The following CMBL variants were observed in gnomAD, a reference collection of about 807,000 sequenced individuals.
CMBL encodes carboxymethylenebutenolidase homolog.
In CMBL, 17 loss-of-function variants were observed where a neutral mutation model predicts 28.7. The ratio of observed to expected loss-of-function variants is 0.59; its 90% CI spans 0.41 to 0.89. The LOEUF is 0.89. Among genes scored for constraint, CMBL ranks in the 40% least tolerant of loss-of-function variants. The pLI, the probability that CMBL is intolerant of heterozygous loss-of-function variation, is 0.00. For synonymous variants in CMBL, 106 were observed against 101.6 expected (o/e 1.04, Z -0.26); for missense variants, 310 against 298.5 (o/e 1.04, Z -0.28).
rs113344846 is a variant in CMBL, at chr5:10,292,465, C to T, written c.-19-1684G>A. Reference sequence around the variant, plus strand: ...AGGCTCAAGCAATCATCCCACCTCACACTCCCAAAGTGCTAGGATTACAGG... The same window carrying T: ...AGGCTCAAGCAATCATCCCACCTCATACTCCCAAAGTGCTAGGATTACAGG... On this transcript the variant is annotated intron_variant, in intron 1 of 5. Transcript: ENST00000296658. 8.1e-3 allele frequency among the ~76,000 whole-genome samples: 1,232 copies of T among 152,230 alleles called. 19 individuals are homozygous for T. The highest frequency in any genetic ancestry group is 0.027 in the African/African-American group (1,133 of 41,556).
chr5:10,291,766 C>T (rs1457555615), intron 1 of CMBL, among the ~76,000 whole-genome samples: 1 of 152,172 alleles, frequency 6.6e-6, no homozygotes, highest in Non-Finnish European at 1.5e-5. Context: ...ACAATTGACT[C>T]TGGGCCAGTG....
At chr5:10,284,859 T>C (rs887365784) in intron 4 of CMBL, among the ~76,000 whole-genome samples, 8 of 152,242 alleles carry the variant, frequency 5.3e-5, no homozygotes, top group African/African-American at 1.7e-4. Flanking sequence ...TGCTTCTATA[T>C]CATGAATTTA....
At chr5:10,298,842 G>A (rs1174455610) in intron 1 of CMBL, among the ~76,000 whole-genome samples, 2 of 152,172 alleles carry the variant, frequency 1.3e-5, no homozygotes, top group Non-Finnish European at 2.9e-5. Flanking sequence ...GCAGTCAGAC[G>A]AGATCGCGCC....
intron 4 of CMBL, 145 bp from the exon 5 acceptor site, chr5:10,282,433 G>T: frequency 1.7e-6 from 1 of 594,220 alleles, no homozygotes; most frequent in Non-Finnish European, 3.0e-6. Context: ...TCTCTGCTTT[G>T]CGGACTTTAT....
chr5:10,288,274 T>C (rs1306087718), intron 3 of CMBL, 148 bp downstream of exon 3: 1 of 620,744 alleles, frequency 1.6e-6, no homozygotes, highest in African/African-American at 1.9e-5. Flanking sequence ...AAAAAAAATT[T>C]TTTCTCCTTT....
chr5:10,300,344 CT>C (rs1487907473), intron 1 of CMBL, among the ~76,000 whole-genome samples: 3 of 152,200 alleles, frequency 2.0e-5, no homozygotes, highest in Non-Finnish European at 4.4e-5. Flanking sequence ...CCTGCTGACA[CT>C]TTCAATTTGG....
chr5:10,295,667 C>G (rs1490011467), intron 1 of CMBL, among the ~76,000 whole-genome samples: 3 of 152,184 alleles, frequency 2.0e-5, no homozygotes, highest in African/African-American at 4.8e-5. Context: ...TGGGTGAGAA[C>G]ACAGCCAGAA....
In CMBL at chr5:10,282,208, G is replaced by T; in HGVS notation, c.547C>A (p.Pro183Thr). The T allele has an allele frequency of 6.2e-7, 1 of 1,606,896 alleles. No homozygotes were observed. The highest frequency in any genetic ancestry group is 1.1e-5 in the South Asian group (1 of 90,954). Reference sequence around the variant, plus strand: ...AGATGCCAACTTACGTCCTTGAGTGGAATCACAACATCATTTTCAGCAAAA... The same window carrying T: ...AGATGCCAACTTACGTCCTTGAGTGTAATCACAACATCATTTTCAGCAAAA... ...FIFAENDVVI[P>T]LKDVSLLTQK... The change falls in exon 5 of 6, where the codon CCA (proline) becomes ACA (threonine). Residue 183 changes from proline to threonine, a missense_variant. Transcript: ENST00000296658.
Position 10,288,412 on chromosome 5 carries a change from G to A in CMBL, c.323+10C>T, listed in dbSNP as rs1157032159. ...CAACGTGCACATGGCCACGTCTGCG[G>A]ATAACTCACCTATCGATCTTCTGGG... On this transcript the variant is annotated intron_variant, in intron 3 of 5. Coordinates refer to ENST00000296658, the MANE Select transcript of CMBL (RefSeq NM_138809.4). 1 of 1,607,036 alleles carries A rather than the reference G, an allele frequency of 6.2e-7. No homozygotes were observed. The highest frequency in any genetic ancestry group is 2.2e-5 in the East Asian group (1 of 44,818).
chr5:10,280,237 T>C lies in CMBL; in HGVS notation c.*216A>G. On this transcript the variant is annotated 3_prime_UTR_variant, in exon 6 of 6. Transcript: ENST00000296658. ...TACAGGCATGAGGCACTACACCTGG[T>C]CAGACCTTGTTTTTAAATTATGATT... The C allele has an allele frequency of 2.3e-6, 1 of 432,810 alleles. No homozygotes were observed. Among genetic ancestry groups the C allele is most frequent in the Non-Finnish European group, 4.1e-6 (1 of 242,860 alleles). The allele number at this position is 432,810 out of a possible 1,614,324, so 26.8% of individuals were successfully genotyped here. A position where few individuals can be genotyped will look rare whatever the true frequency, so the allele number is the denominator to read the frequency against.
intron 4 of CMBL, among the ~76,000 whole-genome samples, chr5:10,282,657 C>T (rs1368933038): frequency 6.6e-6 from 1 of 151,964 alleles, no homozygotes; most frequent in Admixed American, 6.6e-5. Context: ...GTGGTGCATG[C>T]CTGTAGTCTC....
intron 2 of CMBL, 71 bp from the exon 3 acceptor site, chr5:10,288,600 T>C (rs1373267309): frequency 8.3e-7 from 1 of 1,199,480 alleles, no homozygotes; most frequent in Non-Finnish European, 1.2e-6. Flanking sequence ...TGCATTTATT[T>C]AAAAACTTGC....
chr5:10,280,364 A>G lies in CMBL; in HGVS notation c.*89T>C. ...TTTAGGATTCCTACACTTATTTTAT[A>G]AAAGTGAAAATTAAATCAAATGATC... On this transcript the variant is annotated 3_prime_UTR_variant, in exon 6 of 6. Coordinates refer to ENST00000296658, the MANE Select transcript of CMBL (RefSeq NM_138809.4). 1.0e-6 allele frequency: 1 copy of G among 998,912 alleles called. No individual in the cohort carries two copies. The highest frequency in any genetic ancestry group is 1.4e-6 in the Non-Finnish European group (1 of 695,700). The allele number at this position is 998,912 out of a possible 1,614,324, so 61.9% of individuals were successfully genotyped here.
intron 1 of CMBL, among the ~76,000 whole-genome samples, chr5:10,302,828 T>C (rs1746933609): frequency 6.6e-6 from 1 of 152,178 alleles, no homozygotes; most frequent in Non-Finnish European, 1.5e-5. Flanking sequence ...CCCCAAAATA[T>C]TTTTGACATA....
chr5:10,300,009 G>A (rs1338434177), intron 1 of CMBL, among the ~76,000 whole-genome samples: 1 of 152,200 alleles, frequency 6.6e-6, no homozygotes, highest in Non-Finnish European at 1.5e-5. Flanking sequence ...AGGTTGAATT[G>A]TATTCCCCCA....
intron 1 of CMBL, among the ~76,000 whole-genome samples, chr5:10,300,678 T>C (rs10076591): frequency 0.54 from 81,724 of 151,482 alleles, 23,485 homozygotes; most frequent in Non-Finnish European, 0.65. Flanking sequence ...GGCATGCACC[T>C]GTAGTCCCAG....
intron 1 of CMBL, among the ~76,000 whole-genome samples, chr5:10,296,265 A>C (rs756439041): frequency 4.6e-5 from 7 of 152,178 alleles, no homozygotes; most frequent in Non-Finnish European, 1.0e-4. Context: ...ACAAATACCA[A>C]GAATGACTGT....
rs1168059687 is a variant in CMBL at position 10,280,237 on chromosome 5, T to TC, written c.*215dup. On this transcript the variant is annotated 3_prime_UTR_variant, in exon 6 of 6. Transcript: ENST00000296658. ...TACAGGCATGAGGCACTACACCTGGTCAGACCTTGTTTTTAAATTATGATT... is the reference window on the plus strand; with the variant it reads ...TACAGGCATGAGGCACTACACCTGGTCCAGACCTTGTTTTTAAATTATGATT... 11 of 432,692 alleles carry TC rather than the reference T, an allele frequency of 2.5e-5. No homozygotes were observed. The highest frequency in any genetic ancestry group is 4.1e-5 in the Non-Finnish European group (10 of 242,868). The allele number at this position is 432,692 out of a possible 1,614,324, so 26.8% of individuals were successfully genotyped here.
chr5:10,305,744 G>A (rs1352223189), intron 1 of CMBL, among the ~76,000 whole-genome samples: 1 of 152,008 alleles, frequency 6.6e-6, no homozygotes, highest in Admixed American at 6.6e-5. Context: ...GCTAATTTTT[G>A]TATTTTAGTA....
Sources: gnomAD v4.1 joint callset for allele counts (sites outside exome capture counted in the v4.1 genomes callset) on GRCh38, gnomAD v4.1.1 for gene constraint, MANE v1.5 for transcripts, NCBI Gene and HGNC (gene_info 2026-07-23, HGNC 2026-07-21) for gene names.